The following SFTPD variants were observed in gnomAD, a reference collection of about 807,000 sequenced individuals.
SFTPD encodes pulmonary surfactant-associated protein D.
Under a neutral mutation model 34.6 loss-of-function variants are expected in SFTPD, and 18 were observed. That is an observed-to-expected ratio of 0.52 (90% CI 0.36 to 0.77). The LOEUF is 0.77. Among genes scored for constraint, SFTPD ranks in the 30% least tolerant of loss-of-function variants. The probability of loss-of-function intolerance (pLI) is 0.00; values close to 1 mark genes in which losing one functional copy is unlikely to be tolerated. For missense variants in SFTPD, 433 were observed against 468.9 expected, an observed-to-expected ratio of 0.92 and a Z score of 0.71; for synonymous variants, 155 against 180.9, an observed-to-expected ratio of 0.86 and a Z score of 1.15.
At chr10:79,977,176 C>T (rs967961232) in intron 1 of SFTPD, among the ~76,000 whole-genome samples, 1 of 152,192 alleles carries the variant, frequency 6.6e-6, no homozygotes, top group Non-Finnish European at 1.5e-5. Context: ...TGGAGCCAAA[C>T]TCAGCTTAGT....
intron 1 of SFTPD, among the ~76,000 whole-genome samples, chr10:79,967,954 A>G (rs1281551630): frequency 6.8e-6 from 1 of 147,054 alleles, no homozygotes; most frequent in Non-Finnish European, 1.5e-5. Flanking sequence ...CCCCACCCCT[A>G]TCTCCCTTCA....
chr10:79,939,348 C>G (rs770682025), intron 7 of SFTPD, among the ~76,000 whole-genome samples: 2 of 152,232 alleles, frequency 1.3e-5, no homozygotes, highest in Non-Finnish European at 2.9e-5. Context: ...TTAAGATTCT[C>G]CATGGGCTCA....
chr10:79,952,224 C>T (rs911156795), upstream of SFTPD, among the ~76,000 whole-genome samples: 21 of 152,354 alleles, frequency 1.4e-4, no homozygotes, highest in East Asian at 1.9e-4. Context: ...CTCTGCCCTT[C>T]GTGCAAGGCT....
intron 1 of SFTPD, among the ~76,000 whole-genome samples, chr10:79,948,370 C>A (rs1842686820): frequency 6.6e-6 from 1 of 152,180 alleles, no homozygotes; most frequent in South Asian, 2.1e-4. Context: ...GCCACTGTGG[C>A]TTGAAGGACA....
At chr10:79,957,157 C>A (rs1282451306) in intron 1 of SFTPD, among the ~76,000 whole-genome samples, 1 of 151,240 alleles carries the variant, frequency 6.6e-6, no homozygotes, top group Non-Finnish European at 1.5e-5. Flanking sequence ...CTGTATGTCA[C>A]CATCGTCAAA....
Position 79,956,793 on chromosome 10 carries a change from G to A in SFTPD, c.37-10131C>T, listed in dbSNP as rs563765344. Among the ~76,000 whole-genome samples the A allele has an allele frequency of 5.3e-3, 809 of 152,326 alleles. 10 individuals carry two copies. The highest frequency in any genetic ancestry group is 0.019 in the African/African-American group (774 of 41,570). ...TTAAATGTCCCTGTCTGACAGCTTTGAAGAGAGTAGTGGTTCTCCCAGCAC... is the reference window on the plus strand; with the variant it reads ...TTAAATGTCCCTGTCTGACAGCTTTAAAGAGAGTAGTGGTTCTCCCAGCAC... On this transcript the variant is annotated intron_variant, in intron 1 of 5. Transcript: ENST00000444384.
intron 1 of SFTPD, 76 bp from the exon 2 acceptor site, chr10:79,946,738 G>GA: frequency 7.4e-7 from 1 of 1,349,992 alleles, no homozygotes; most frequent in Non-Finnish European, 1.0e-6. Context: ...TCAGCTTCTA[G>GA]AGGTGACAAG....
intron 1 of SFTPD, among the ~76,000 whole-genome samples, chr10:79,975,206 G>A (rs146050160): frequency 0.018 from 2,796 of 151,882 alleles, 96 homozygotes; most frequent in African/African-American, 0.065. Flanking sequence ...AGTGTCCTCC[G>A]GAAAAGAAAG....
intron 1 of SFTPD, chr10:79,970,465 T>C (rs765457405): frequency 1.8e-4 from 27 of 152,170 alleles, no homozygotes; most frequent in African/African-American, 6.5e-4. Context: ...TTTGGTAGTA[T>C]GGTCATTTTA....
intron 7 of SFTPD, among the ~76,000 whole-genome samples, chr10:79,939,762 C>T (rs138197480): frequency 6.6e-6 from 1 of 152,164 alleles, no homozygotes; most frequent in African/African-American, 2.4e-5. Context: ...CCCAGTCAGC[C>T]CTTTTATGCT....
chr10:79,949,683 C>T (rs1406939090), upstream of SFTPD, among the ~76,000 whole-genome samples: 3 of 152,270 alleles, frequency 2.0e-5, no homozygotes, highest in African/African-American at 4.8e-5. Context: ...TCAGAGAGCC[C>T]CTGCCTTGCT....
At position 79,942,077 on chromosome 10, in the gene SFTPD, A is replaced by G. The variant is rs374125025; in HGVS notation, c.434-7T>C. The G allele has an allele frequency of 6.3e-7, 1 of 1,592,958 alleles. No homozygotes were observed. ...CCTGGGGCACCTACTTCTCCTGAAG[A>G]AGGAACACACAGGAACAAACACAGC... On this transcript the variant is annotated splice_polypyrimidine_tract_variant and splice_region_variant and intron_variant, in intron 4 of 7. Transcript: ENST00000372292.
At chr10:79,944,524 C>T (rs150237629) in intron 2 of SFTPD, among the ~76,000 whole-genome samples, 115 of 152,062 alleles carry the variant, frequency 7.6e-4, no homozygotes, top group Middle Eastern at 6.8e-3. Flanking sequence ...GGAGGCTGAG[C>T]GTGACCGGGG....
At chr10:79,969,441 C>A (rs1842822721) in intron 1 of SFTPD, 1 of 148,190 alleles carries the variant, frequency 6.7e-6, no homozygotes, top group African/African-American at 2.5e-5. Flanking sequence ...ATCACTGCAC[C>A]CCAGCCTAGG....
intron 1 of SFTPD, chr10:79,982,324 C>T: frequency 2.1e-6 from 2 of 961,574 alleles, no homozygotes; most frequent in Non-Finnish European, 2.7e-6. Flanking sequence ...ACCAGCCCAG[C>T]GCCTCGGGCG....
At chr10:79,973,624 A>AG (rs1842847833) in intron 1 of SFTPD, among the ~76,000 whole-genome samples, 1 of 151,772 alleles carries the variant, frequency 6.6e-6, no homozygotes, top group South Asian at 2.1e-4. Context: ...TCTCAAAAAA[A>AG]AAAAAAAAAA....
chr10:79,937,845 A>C lies in SFTPD; in HGVS notation c.*7T>G. 1 of 1,532,232 alleles carries C rather than the reference A, an allele frequency of 6.5e-7. No homozygotes were observed. Among genetic ancestry groups the C allele is most frequent in the Non-Finnish European group, 8.8e-7 (1 of 1,135,528 alleles). The allele number at this position is 1,532,232 out of a possible 1,614,324, so 94.9% of individuals were successfully genotyped here. A position where few individuals can be genotyped will look rare whatever the true frequency, so the allele number is the denominator to read the frequency against. On this transcript the variant is annotated 3_prime_UTR_variant, in exon 8 of 8. Transcript: ENST00000372292. The stretch of plus-strand genomic sequence containing the variant: ...GGCCAAGCACTGCCCCACCCACCCC[A>C]GTTGGCTCAGAACTCGCAGACCACA...
intron 1 of SFTPD, among the ~76,000 whole-genome samples, chr10:79,960,479 C>T (rs1311562573): frequency 1.3e-5 from 2 of 148,538 alleles, no homozygotes; most frequent in Admixed American, 1.3e-4. Flanking sequence ...ACAAAAATCA[C>T]AAGCATTCTT....
upstream of SFTPD, among the ~76,000 whole-genome samples, chr10:79,953,858 C>A (rs1023340585): frequency 6.6e-6 from 1 of 151,502 alleles, no homozygotes; most frequent in African/African-American, 2.4e-5. Context: ...TTCTTTTTTT[C>A]TTTTTGTTCC....
Sources: gnomAD v4.1 joint callset for allele counts (sites outside exome capture counted in the v4.1 genomes callset) on GRCh38, gnomAD v4.1.1 for gene constraint, MANE v1.5 for transcripts, NCBI Gene and HGNC (gene_info 2026-07-23, HGNC 2026-07-21) for gene names.